UNC13C: variants seen among roughly 807,000 people sequenced by gnomAD.
The protein encoded by UNC13C is unc-13 homolog C.
Under a neutral mutation model 245.4 loss-of-function variants are expected in UNC13C, and 174 were observed. The observed-to-expected ratio is 0.71, with a 90% CI of 0.63 to 0.80. UNC13C has a LOEUF of 0.80. Ranked by LOEUF, UNC13C falls within the 30% of genes least tolerant of loss-of-function variation. The pLI, the probability that UNC13C is intolerant of heterozygous loss-of-function variation, is 0.00. For missense variants in UNC13C, 2,829 were observed against 2,602.9 expected (o/e 1.09, Z -1.89); for synonymous variants, 992 against 895.1 (o/e 1.11, Z -1.93).
At position 54,338,165 on chromosome 15, in the gene UNC13C, G is replaced by A. The variant is rs74338705; in HGVS notation, c.4585-196G>A. Among the ~76,000 whole-genome samples the A allele has an allele frequency of 2.8e-4, 42 of 152,228 alleles. No individual in the cohort carries two copies. The East Asian group carries it at 5.6e-3, about 20-fold the overall frequency. On this transcript the variant is annotated intron_variant, in intron 16 of 32. Coordinates refer to ENST00000260323, the MANE Select transcript of UNC13C (RefSeq NM_001080534.3). ...AAGTGTTTTTATTTGAGTGTTTACA[G>A]CCATTATCATTTTCAATAAGTTTTT...
chr15:54,390,291 A>T (rs964978674), intron 17 of UNC13C, among the ~76,000 whole-genome samples: 3 of 152,194 alleles, frequency 2.0e-5, no homozygotes, highest in African/African-American at 7.2e-5. Flanking sequence ...CTTATGTGAT[A>T]TCATGAAAGT....
At chr15:54,223,689 T>C (rs946078719) in intron 4 of UNC13C, among the ~76,000 whole-genome samples, 1 of 152,054 alleles carries the variant, frequency 6.6e-6, no homozygotes. Context: ...AGTATTTTGA[T>C]AGGGATTGTA....
intron 29 of UNC13C, among the ~76,000 whole-genome samples, chr15:54,555,733 G>A (rs1057352389): frequency 6.6e-6 from 1 of 151,736 alleles, no homozygotes; most frequent in Admixed American, 6.6e-5. Flanking sequence ...ATTTACCCCT[G>A]TCTATCTCCT....
At chr15:54,127,297 A>G (rs182399378) in intron 2 of UNC13C, among the ~76,000 whole-genome samples, 7 of 152,294 alleles carry the variant, frequency 4.6e-5, no homozygotes, top group Admixed American at 4.6e-4. Flanking sequence ...AAAGACTTGG[A>G]ACCAACCCAC....
chr15:54,257,365 T>G (rs2036306140), intron 8 of UNC13C, among the ~76,000 whole-genome samples: 1 of 152,244 alleles, frequency 6.6e-6, no homozygotes, highest in Non-Finnish European at 1.5e-5. Flanking sequence ...GCTGATGAGA[T>G]GTAGTACCTT....
chr15:54,260,693 TTA>T lies in UNC13C; in HGVS notation c.3449-3468_3449-3467del, dbSNP rs561203937. 3.6e-3 allele frequency among the ~76,000 whole-genome samples: 535 copies of T among 148,374 alleles called. 3 individuals are homozygous for T. The highest frequency in any genetic ancestry group is 0.012 in the African/African-American group (511 of 40,914). ...TATGTATGTTTTATATATAAAGAAG[TTA>T]TATATAGTCATATAATCAAAATATA... On this transcript the variant is annotated intron_variant, in intron 8 of 32. Coordinates refer to ENST00000260323, the MANE Select transcript of UNC13C (RefSeq NM_001080534.3).
At chr15:54,208,847 T>C (rs963114052) in intron 4 of UNC13C, among the ~76,000 whole-genome samples, 1 of 152,154 alleles carries the variant, frequency 6.6e-6, no homozygotes, top group African/African-American at 2.4e-5. Flanking sequence ...CTCTCACTTA[T>C]ATATTATTTT....
At chr15:54,559,671 T>G (rs1566909716) in intron 29 of UNC13C, among the ~76,000 whole-genome samples, 2 of 151,904 alleles carry the variant, frequency 1.3e-5, no homozygotes, top group African/African-American at 4.8e-5. Flanking sequence ...TTTCTCTGAA[T>G]TTCCAGGGAA....
chr15:54,265,248 CATCT>C (rs1370058857), intron 9 of UNC13C, 103 bp from the exon 10 acceptor site: 2 of 792,958 alleles, frequency 2.5e-6, no homozygotes, highest in Non-Finnish European at 3.6e-6. Flanking sequence ...AATGGGGATG[CATCT>C]ATAAGCCCAA....
the UNC13C span, among the ~76,000 whole-genome samples, chr15:53,954,213 C>T: frequency 6.6e-6 from 1 of 152,140 alleles, no homozygotes; most frequent in African/African-American, 2.4e-5. Flanking sequence ...TATTGTTTTC[C>T]TGCTGCATTC....
intron 8 of UNC13C, among the ~76,000 whole-genome samples, chr15:54,254,401 C>T (rs1200219352): frequency 1.3e-5 from 2 of 152,118 alleles, no homozygotes; most frequent in African/African-American, 4.8e-5. Flanking sequence ...AACAATTTTA[C>T]AATATATGTT....
chr15:53,845,318 C>A, the UNC13C span, among the ~76,000 whole-genome samples: 2 of 36,234 alleles, frequency 5.5e-5, no homozygotes, highest in Non-Finnish European at 1.7e-4. Flanking sequence ...GAGCGAGAGT[C>A]TCTCAAAAAA....
At chr15:53,910,273 T>C in the UNC13C span, among the ~76,000 whole-genome samples, 1 of 145,806 alleles carries the variant, frequency 6.9e-6, no homozygotes, top group African/African-American at 2.4e-5. Flanking sequence ...GAGGTTTTTA[T>C]TATCTTTTTG....
chr15:54,434,486 G>T (rs2040939084), intron 19 of UNC13C, among the ~76,000 whole-genome samples: 1 of 152,028 alleles, frequency 6.6e-6, no homozygotes, highest in Non-Finnish European at 1.5e-5. Context: ...AATGGGGAAA[G>T]TGTTCCCTAT....
intron 19 of UNC13C, among the ~76,000 whole-genome samples, chr15:54,480,444 T>A: frequency 6.7e-6 from 1 of 149,946 alleles, no homozygotes; most frequent in East Asian, 1.9e-4. Flanking sequence ...TTTGTCTGGC[T>A]GGGTTATCTC....
intron 2 of UNC13C, among the ~76,000 whole-genome samples, chr15:54,066,182 A>G (rs1898067161): frequency 6.6e-6 from 1 of 152,218 alleles, no homozygotes; most frequent in African/African-American, 2.4e-5. Flanking sequence ...AAAGATATGC[A>G]TGGATCATCT....
At chr15:54,140,842 A>G (rs534128412) in intron 2 of UNC13C, among the ~76,000 whole-genome samples, 9 of 152,344 alleles carry the variant, frequency 5.9e-5, no homozygotes, top group African/African-American at 2.2e-4. Flanking sequence ...GGAGAGTGAC[A>G]TAATTTTATC....
intron 19 of UNC13C, among the ~76,000 whole-genome samples, chr15:54,481,161 G>A (rs148439335): frequency 1.1e-4 from 16 of 149,292 alleles, no homozygotes; most frequent in Non-Finnish European, 1.5e-4. Flanking sequence ...TTAAGCTGCC[G>A]TTATTAGTGG....
chr15:53,929,426 CT>C, the UNC13C span, among the ~76,000 whole-genome samples: 1 of 152,050 alleles, frequency 6.6e-6, no homozygotes, highest in Non-Finnish European at 1.5e-5. Flanking sequence ...TCACCAGAGA[CT>C]TTTTTGGTGA....
Sources: allele counts gnomAD v4.1 joint callset (sites outside exome capture counted in the v4.1 genomes callset), GRCh38; gene constraint gnomAD v4.1.1; transcripts MANE v1.5; gene names NCBI Gene and HGNC (gene_info 2026-07-23, HGNC 2026-07-21).